Variants in RGL1 observed in about 807,000 individuals in gnomAD.
RGL1 encodes the protein ral guanine nucleotide dissociation stimulator like 1.
RGL1 carries 24 observed loss-of-function variants against 95.2 expected under a neutral mutation model. That is an observed-to-expected ratio of 0.25 (90% CI 0.18 to 0.35). The LOEUF (loss-of-function observed/expected upper bound fraction) is 0.35, where lower values mean the gene tolerates loss of function less well. Among genes scored for constraint, RGL1 ranks in the 10% least tolerant of loss-of-function variants. The pLI, the probability that RGL1 is intolerant of heterozygous loss-of-function variation, is 1.00. For synonymous variants in RGL1, 329 were observed against 344.9 expected, an observed-to-expected ratio of 0.95 and a Z score of 0.51; for missense variants, 715 against 936.3, an observed-to-expected ratio of 0.76 and a Z score of 3.08.
intron 2 of RGL1, among the ~76,000 whole-genome samples, chr1:183,828,020 A>G (rs1359327402): frequency 1.3e-5 from 2 of 152,218 alleles, no homozygotes; most frequent in African/African-American, 2.4e-5. Flanking sequence ...GTTTTCACCA[A>G]ATAAATAGCT....
rs1019471222 is a variant in RGL1, at chr1:183,888,369, G to A, written c.952-105G>A. On this transcript the variant is annotated intron_variant, in intron 7 of 17. Coordinates refer to ENST00000360851, the MANE Select transcript of RGL1 (RefSeq NM_001297671.3). Reference sequence around the variant, plus strand: ...CTATTTATACAGCTGCCTATTTTGTGGTAAGAATTCATAGCAGCTGTGATA... The same window carrying A: ...CTATTTATACAGCTGCCTATTTTGTAGTAAGAATTCATAGCAGCTGTGATA... 8 of 700,130 alleles carry A rather than the reference G, an allele frequency of 1.1e-5. No individual in the cohort carries two copies. In the South Asian group the frequency reaches 1.3e-4, roughly 12 times the overall value. 43.4% of individuals were successfully genotyped at this position (700,130 alleles called of 1,614,324 possible).
chr1:183,707,113 G>T (rs1280512640), intron 1 of RGL1, among the ~76,000 whole-genome samples: 1 of 152,146 alleles, frequency 6.6e-6, no homozygotes, highest in Non-Finnish European at 1.5e-5. Flanking sequence ...TGATGGCGGC[G>T]TCCAGGGGCC....
At chr1:183,750,175 C>CTGGA (rs1657905188) in intron 2 of RGL1, among the ~76,000 whole-genome samples, 1 of 152,188 alleles carries the variant, frequency 6.6e-6, no homozygotes, top group Non-Finnish European at 1.5e-5. Context: ...GTTCCATTCT[C>CTGGA]CCCATCGCTT....
chr1:183,647,522 T>G, intron 1 of RGL1: 1 of 1,222,438 alleles, frequency 8.2e-7, no homozygotes, highest in South Asian at 2.0e-5. Flanking sequence ...TAGTGTAACT[T>G]TATAATAGTT....
chr1:183,778,559 T>TG (rs1459078734), intron 2 of RGL1, among the ~76,000 whole-genome samples: 1 of 152,154 alleles, frequency 6.6e-6, no homozygotes, highest in African/African-American at 2.4e-5. Flanking sequence ...CTGTCCTTTA[T>TG]GGGGGTAAAC....
chr1:183,788,746 CAAAT>C (rs147514325), intron 2 of RGL1, among the ~76,000 whole-genome samples: 1 of 152,260 alleles, frequency 6.6e-6, no homozygotes, highest in East Asian at 1.9e-4. Flanking sequence ...ACTATTAAAA[CAAAT>C]TAGTGCTCAA....
chr1:183,822,154 T>C (rs1333221311), intron 2 of RGL1, among the ~76,000 whole-genome samples: 1 of 152,184 alleles, frequency 6.6e-6, no homozygotes, highest in Non-Finnish European at 1.5e-5. Flanking sequence ...GTATTTATTC[T>C]GACAGTTGTA....
rs891562270 is a variant in RGL1, at chr1:183,659,861, G to A, written c.-33+23360G>A. 1.1e-4 allele frequency among the ~76,000 whole-genome samples: 17 copies of A among 150,584 alleles called. 2 individuals are homozygous for A. Among genetic ancestry groups the A allele is most frequent in the Middle Eastern group, 3.4e-3 (1 of 294 alleles). On this transcript the variant is annotated intron_variant, in intron 1 of 18. Coordinates refer to the RGL1 transcript ENST00000304685. ...CCATCAGACTAACAGTGGATCTCTC[G>A]GCAGAAACTCTAGAAGCCGGAAGAG...
chr1:183,897,375 A>G (rs891939740), intron 9 of RGL1, among the ~76,000 whole-genome samples: 4 of 152,102 alleles, frequency 2.6e-5, no homozygotes, highest in Non-Finnish European at 4.4e-5. Flanking sequence ...CTCTACTAAA[A>G]ACAAAAAATA....
chr1:183,862,968 A>G (rs1234323255), intron 3 of RGL1, among the ~76,000 whole-genome samples: 1 of 152,256 alleles, frequency 6.6e-6, no homozygotes, highest in African/African-American at 2.4e-5. Context: ...GGCTGATGTT[A>G]CAGTTGGTTT....
In RGL1 at chr1:183,884,033, G is replaced by C. The variant is rs754228042; in HGVS notation, c.735+123G>C. The C allele has an allele frequency of 4.0e-6, 4 of 991,476 alleles. No individual in the cohort carries two copies. The African/African-American group carries it at 4.8e-5, about 12-fold the overall frequency. 61.4% of individuals were successfully genotyped at this position (991,476 alleles called of 1,614,324 possible). ...AAGTCTTCTTGAATCCTTGAGACAG[G>C]CTGCGCCTGCAGATACAGAGTTAAG... is the stretch of plus-strand genomic sequence containing the variant. On this transcript the variant is annotated intron_variant, in intron 6 of 17. Transcript: ENST00000360851.
chr1:183,847,759 AACT>A lies in RGL1; in HGVS notation c.336_338del (p.Leu114del). The stretch of plus-strand genomic sequence containing the variant: ...TTTGCCTCCACTAAAGAAGTGCTGG[AACT>A]ACTGCTGGACAGGTAAGAATGTAAA... On this transcript the variant is annotated inframe_deletion, in exon 3 of 18. Transcript: ENST00000360851. 3.1e-6 allele frequency: 5 copies of A among 1,613,864 alleles called. No individual in the cohort carries two copies. Among genetic ancestry groups the A allele is most frequent in the Non-Finnish European group, 4.2e-6 (5 of 1,179,738 alleles).
chr1:183,743,277 G>T (rs746697982), intron 2 of RGL1, among the ~76,000 whole-genome samples: 1 of 152,162 alleles, frequency 6.6e-6, no homozygotes, highest in Non-Finnish European at 1.5e-5. Flanking sequence ...GCCTTCCAAA[G>T]CACTGGGATT....
chr1:183,911,931 A>C (rs766371333), intron 14 of RGL1, 151 bp from the exon 15 acceptor site: 7 of 674,642 alleles, frequency 1.0e-5, no homozygotes, highest in Non-Finnish European at 1.8e-5. Flanking sequence ...TATTTGTTAG[A>C]AACTTTATAG....
intron 3 of RGL1, among the ~76,000 whole-genome samples, chr1:183,853,205 G>A (rs921105921): frequency 6.6e-6 from 1 of 152,124 alleles, no homozygotes; most frequent in African/African-American, 2.4e-5. Context: ...GCGTGGTGGT[G>A]CATGCCTGTA....
intron 1 of RGL1, among the ~76,000 whole-genome samples, chr1:183,702,464 T>C (rs1166732890): frequency 6.6e-6 from 1 of 152,248 alleles, no homozygotes; most frequent in African/African-American, 2.4e-5. Flanking sequence ...ATTTTATACC[T>C]AGTAGATCCA....
chr1:183,862,979 G>C (rs1427014452), intron 3 of RGL1, among the ~76,000 whole-genome samples: 4 of 152,230 alleles, frequency 2.6e-5, no homozygotes, highest in African/African-American at 9.6e-5. Flanking sequence ...CAGTTGGTTT[G>C]TATTTTAAAT....
intron 1 of RGL1, among the ~76,000 whole-genome samples, chr1:183,696,828 T>G (rs570202629): frequency 6.6e-6 from 1 of 152,220 alleles, no homozygotes; most frequent in African/African-American, 2.4e-5. Flanking sequence ...CAAATCCTAC[T>G]GTACCTATGT....
chr1:183,816,091 A>T lies in RGL1; in HGVS notation c.138+9606A>T, dbSNP rs375055297. 2.0e-3 allele frequency among the ~76,000 whole-genome samples: 301 copies of T among 152,318 alleles called. 1 individual carries two copies. The highest frequency in any genetic ancestry group is 6.6e-3 in the African/African-American group (274 of 41,560). ...GTATATTAGAAATAACATCTATTGT[A>T]TTTTATCTCTCTGGCTCCTTGCATA... On this transcript the variant is annotated intron_variant, in intron 2 of 17. Coordinates refer to ENST00000360851, the MANE Select transcript of RGL1 (RefSeq NM_001297671.3).
Sources: gnomAD v4.1 joint callset for allele counts (sites outside exome capture counted in the v4.1 genomes callset) on GRCh38, gnomAD v4.1.1 for gene constraint, MANE v1.5 for transcripts, NCBI Gene and HGNC (gene_info 2026-07-23, HGNC 2026-07-21) for gene names.